NKAIN2: variants seen among roughly 807,000 people sequenced by gnomAD.
The protein encoded by NKAIN2 is sodium/potassium-transporting ATPase subunit beta-1-interacting protein 2.
In NKAIN2, 14 loss-of-function variants were observed where a neutral mutation model predicts 32.6. The ratio of observed to expected loss-of-function variants is 0.43; its 90% CI spans 0.28 to 0.67. The LOEUF (loss-of-function observed/expected upper bound fraction) is 0.67, where lower values mean the gene tolerates loss of function less well. NKAIN2 is among the 30% of genes least tolerant of loss of function. The pLI, the probability that NKAIN2 is intolerant of heterozygous loss-of-function variation, is 0.17. For synonymous variants in NKAIN2, 80 were observed against 87.2 expected, an observed-to-expected ratio of 0.92 and a Z score of 0.46; for missense variants, 198 against 258.3, an observed-to-expected ratio of 0.77 and a Z score of 1.60.
intron 1 of NKAIN2, among the ~76,000 whole-genome samples, chr6:124,246,521 A>T (rs545656278): frequency 4.0e-4 from 61 of 152,138 alleles, no homozygotes; most frequent in African/African-American, 1.4e-3. Context: ...TCTGTGTTTT[A>T]TGGTCTGGTT....
rs192262529 is a variant in NKAIN2 at position 124,780,606 on chromosome 6, G to C, written c.475-10733G>C. Among the ~76,000 whole-genome samples, 3 of 152,292 alleles carry C rather than the reference G, an allele frequency of 2.0e-5. No individual in the cohort carries two copies. In the East Asian group the frequency reaches 5.8e-4, roughly 29 times the overall value. ...ACAAGTGTTGGGGCTGAAAGCATAG[G>C]CTTGAGCCAATCATGAATGTCCTTC... is the stretch of plus-strand genomic sequence containing the variant. On this transcript the variant is annotated intron_variant, in intron 4 of 6. Transcript: ENST00000368417.
intron 1 of NKAIN2, among the ~76,000 whole-genome samples, chr6:123,853,882 C>T (rs1484805435): frequency 6.6e-6 from 1 of 151,956 alleles, no homozygotes; most frequent in Admixed American, 6.5e-5. Context: ...AAGCAATTCT[C>T]CTGCCTCAGC....
chr6:124,164,756 A>C (rs1788452765), intron 1 of NKAIN2, among the ~76,000 whole-genome samples: 1 of 152,030 alleles, frequency 6.6e-6, no homozygotes, highest in Admixed American at 6.6e-5. Flanking sequence ...ATATTCATGG[A>C]GTGCTGTGAA....
At chr6:124,503,861 G>A (rs1778382305) in intron 3 of NKAIN2, among the ~76,000 whole-genome samples, 1 of 152,050 alleles carries the variant, frequency 6.6e-6, no homozygotes. Context: ...CACTCTAATT[G>A]GGAAGGTAAT....
intron 3 of NKAIN2, among the ~76,000 whole-genome samples, chr6:124,616,404 A>C (rs1373633691): frequency 2.0e-5 from 2 of 98,454 alleles, no homozygotes; most frequent in Non-Finnish European, 4.3e-5. Context: ...TTTTGTTCTT[A>C]TTATTTTTTT....
intron 3 of NKAIN2, among the ~76,000 whole-genome samples, chr6:124,381,056 G>A (rs969289415): frequency 6.6e-6 from 1 of 152,042 alleles, no homozygotes; most frequent in Non-Finnish European, 1.5e-5. Flanking sequence ...TTCCCTATAA[G>A]ACCAGATGCA....
intron 1 of NKAIN2, among the ~76,000 whole-genome samples, chr6:123,902,774 T>A (rs1774667903): frequency 6.6e-6 from 1 of 152,214 alleles, no homozygotes; most frequent in African/African-American, 2.4e-5. Context: ...GTCAGATAAA[T>A]TATAAAAATA....
chr6:124,178,872 A>ATT (rs1480674251), intron 1 of NKAIN2, among the ~76,000 whole-genome samples: 7 of 152,228 alleles, frequency 4.6e-5, no homozygotes, highest in African/African-American at 1.4e-4. Flanking sequence ...TAGAATAGAA[A>ATT]CAGTGAATTC....
chr6:124,807,285 C>T (rs1189961214), intron 5 of NKAIN2, among the ~76,000 whole-genome samples: 4 of 152,148 alleles, frequency 2.6e-5, no homozygotes, highest in Non-Finnish European at 5.9e-5. Context: ...TTATAACAAA[C>T]TATCTCTCAG....
chr6:124,207,166 C>T (rs1225685572), intron 1 of NKAIN2, among the ~76,000 whole-genome samples: 2 of 151,654 alleles, frequency 1.3e-5, no homozygotes, highest in African/African-American at 4.8e-5. Context: ...AAGGCTCACA[C>T]CTGCTTTCCC....
Position 124,104,918 on chromosome 6 carries a change from G to A in NKAIN2, c.55-178087G>A, listed in dbSNP as rs546912232. Among the ~76,000 whole-genome samples, 100 of 152,266 alleles carry A rather than the reference G, an allele frequency of 6.6e-4. 1 individual carries two copies. The highest frequency in any genetic ancestry group is 2.4e-3 in the African/African-American group (98 of 41,554). On this transcript the variant is annotated intron_variant, in intron 1 of 6. Transcript: ENST00000368417. The stretch of plus-strand genomic sequence containing the variant: ...ATACTTCCTCCTCAAAACCCATCTG[G>A]ATGGGCTGATTTATGTGGAGGCTGA...
chr6:124,166,532 T>A (rs1438802259), intron 1 of NKAIN2, among the ~76,000 whole-genome samples: 9 of 150,836 alleles, frequency 6.0e-5, no homozygotes, highest in African/African-American at 2.2e-4. Context: ...TTAGATCCCA[T>A]TTGTCAATTT....
At chr6:124,125,790 T>A (rs531147518) in intron 1 of NKAIN2, among the ~76,000 whole-genome samples, 1 of 152,220 alleles carries the variant, frequency 6.6e-6, no homozygotes, top group Non-Finnish European at 1.5e-5. Context: ...CAAAAGATAA[T>A]CATTGGAAAA....
intron 1 of NKAIN2, among the ~76,000 whole-genome samples, chr6:124,226,914 C>G (rs1295754974): frequency 1.3e-5 from 2 of 152,030 alleles, no homozygotes; most frequent in Non-Finnish European, 2.9e-5. Context: ...AAGCACTTAA[C>G]AGATTTCTTT....
intron 4 of NKAIN2, among the ~76,000 whole-genome samples, chr6:124,673,075 A>G (rs991570634): frequency 6.6e-6 from 1 of 151,988 alleles, no homozygotes; most frequent in Non-Finnish European, 1.5e-5. Context: ...GGCACCCACC[A>G]TCATACTCTC....
intron 1 of NKAIN2, among the ~76,000 whole-genome samples, chr6:123,901,058 A>T (rs1237898636): frequency 6.6e-6 from 1 of 152,112 alleles, no homozygotes; most frequent in East Asian, 1.9e-4. Flanking sequence ...AGCCTATTGC[A>T]TCCTCGGTTG....
intron 4 of NKAIN2, among the ~76,000 whole-genome samples, chr6:124,667,037 A>T (rs764792441): frequency 3.3e-5 from 5 of 152,138 alleles, no homozygotes; most frequent in Middle Eastern, 3.2e-3. Flanking sequence ...AAATCCTACT[A>T]AATTTACTTA....
At chr6:123,937,612 C>T (rs1776580059) in intron 1 of NKAIN2, among the ~76,000 whole-genome samples, 1 of 152,072 alleles carries the variant, frequency 6.6e-6, no homozygotes, top group South Asian at 2.1e-4. Context: ...ATTAAGGACT[C>T]AACCATTTAT....
At chr6:124,507,630 A>G (rs1778538225) in intron 3 of NKAIN2, among the ~76,000 whole-genome samples, 1 of 152,192 alleles carries the variant, frequency 6.6e-6, no homozygotes, top group African/African-American at 2.4e-5. Flanking sequence ...AGCTTTACAC[A>G]TGACTTTTTA....
Sources: allele counts gnomAD v4.1 joint callset (sites outside exome capture counted in the v4.1 genomes callset), GRCh38; gene constraint gnomAD v4.1.1; transcripts MANE v1.5; gene names NCBI Gene and HGNC (gene_info 2026-07-23, HGNC 2026-07-21).